SERPINC1: variants seen among roughly 807,000 people sequenced by gnomAD.
SERPINC1 encodes serpin family C member 1, also known as antithrombin-III.
In SERPINC1, 12 loss-of-function variants were observed where a neutral mutation model predicts 43.4. The ratio of observed to expected loss-of-function variants is 0.28; its 90% CI spans 0.18 to 0.45. The LOEUF (loss-of-function observed/expected upper bound fraction) is 0.45, where lower values mean the gene tolerates loss of function less well. Ranked by LOEUF, SERPINC1 falls within the 20% of genes least tolerant of loss-of-function variation. The probability of loss-of-function intolerance (pLI) is 1.00; values close to 1 mark genes in which losing one functional copy is unlikely to be tolerated. For synonymous variants in SERPINC1, 210 were observed against 218.9 expected (o/e 0.96, Z 0.36); for missense variants, 423 against 578.8 (o/e 0.73, Z 2.76).
intron 6 of SERPINC1, among the ~76,000 whole-genome samples, chr1:173,905,002 A>G (rs1487310955): frequency 6.6e-6 from 1 of 152,172 alleles, no homozygotes; most frequent in Non-Finnish European, 1.5e-5. Flanking sequence ...AACCATGGAA[A>G]AATCTTACAT....
intron 4 of SERPINC1, among the ~76,000 whole-genome samples, chr1:173,910,233 G>A (rs946075542): frequency 6.6e-6 from 1 of 152,134 alleles, no homozygotes; most frequent in African/African-American, 2.4e-5. Flanking sequence ...GAAGAAATGA[G>A]TGACAAAGCC....
intron 5 of SERPINC1, among the ~76,000 whole-genome samples, chr1:173,908,055 C>A (rs1190188502): frequency 6.6e-6 from 1 of 150,930 alleles, no homozygotes; most frequent in Non-Finnish European, 1.5e-5. Context: ...TTCAGCATGG[C>A]TCCTGATAAT....
chr1:173,907,218 T>C (rs1018731027), intron 6 of SERPINC1, among the ~76,000 whole-genome samples: 2 of 152,186 alleles, frequency 1.3e-5, no homozygotes, highest in Non-Finnish European at 2.9e-5. Flanking sequence ...TGGCTTCTTT[T>C]CCTATATCAC....
At chr1:173,907,168 G>T (rs995536923) in intron 6 of SERPINC1, among the ~76,000 whole-genome samples, 1 of 151,572 alleles carries the variant, frequency 6.6e-6, no homozygotes, top group African/African-American at 2.4e-5. Context: ...TACTCTTCTG[G>T]TTCTCCTCAT....
intron 2 of SERPINC1, among the ~76,000 whole-genome samples, chr1:173,912,467 A>G (rs1288513850): frequency 6.6e-6 from 1 of 152,182 alleles, no homozygotes; most frequent in Admixed American, 6.5e-5. Flanking sequence ...GGGATTAAAC[A>G]GGCTCAGAAT....
chr1:173,909,534 A>G lies in SERPINC1; in HGVS notation c.1153+18T>C. ...ACCTTGCGGGTGGAGAAGGGAGGAA[A>G]CTCCTTCCTAGACAAACCTGGGAGT... On this transcript the variant is annotated intron_variant, in intron 5 of 6. Coordinates refer to ENST00000367698, the MANE Select transcript of SERPINC1 (RefSeq NM_000488.4). The G allele has an allele frequency of 3.1e-6, 5 of 1,612,472 alleles. No homozygotes were observed. The highest frequency in any genetic ancestry group is 4.2e-6 in the Non-Finnish European group (5 of 1,179,792).
chr1:173,914,435 G>A, intron 2 of SERPINC1, 118 bp downstream of exon 2: 1 of 1,099,016 alleles, frequency 9.1e-7, no homozygotes, highest in Non-Finnish European at 1.4e-6. Flanking sequence ...GAATCGTAAT[G>A]CATAATGAGC....
chr1:173,914,813 T>C lies in SERPINC1; in HGVS notation c.148A>G (p.Asn50Asp), dbSNP rs1433461494. The change falls in exon 2 of 7, where the codon AAT becomes GAT. Residue 50 changes from asparagine to aspartate, a missense_variant. Physicochemically the swap from Asn to Asp is conservative, Grantham distance 23. Transcript: ENST00000367698. ...GGGGAGCGGTAAATGCACATGGGAT[T>C]CATGGGAATGTCCCGCGGCTTGGCT... is the stretch of plus-strand genomic sequence containing the variant. ...CTAKPRDIPM[N>D]PMCIYRSPEK... 6.2e-7 allele frequency: 1 copy of C among 1,614,182 alleles called. No homozygotes were observed. Among genetic ancestry groups the C allele is most frequent in the South Asian group, 1.1e-5 (1 of 91,084 alleles).
chr1:173,914,627 G>T lies in SERPINC1; in HGVS notation c.334C>A (p.Pro112Thr). The T allele has an allele frequency of 6.2e-7, 1 of 1,614,230 alleles. No homozygotes were observed. The part of the protein sequence containing the change: ...KNDNDNIFLS[P>T]LSISTAFAMT... ...GCAAAAGCCGTGGAGATACTCAGGG[G>T]TGACAGGAAAATGTTATCATTGTCA... Residue 112 changes from proline to threonine, a missense_variant, in exon 2 of 7, where the codon CCC (proline) becomes ACC (threonine). Physicochemically the swap from Pro to Thr is conservative, Grantham distance 38. Coordinates refer to ENST00000367698, the MANE Select transcript of SERPINC1 (RefSeq NM_000488.4).
intron 6 of SERPINC1, among the ~76,000 whole-genome samples, chr1:173,905,220 G>T (rs114896719): frequency 6.6e-6 from 1 of 152,156 alleles, no homozygotes; most frequent in East Asian, 1.9e-4. Flanking sequence ...TGTGAAAGAG[G>T]GTGTGAGCAG....
chr1:173,907,654 ACT>A (rs1657576747), intron 5 of SERPINC1, 140 bp from the exon 6 acceptor site: 1 of 750,260 alleles, frequency 1.3e-6, no homozygotes, highest in African/African-American at 1.7e-5. Context: ...ACCTAATCAT[ACT>A]CTCACAATGA....
At chr1:173,914,189 A>AT (rs1657890525) in intron 2 of SERPINC1, among the ~76,000 whole-genome samples, 1 of 152,192 alleles carries the variant, frequency 6.6e-6, no homozygotes. Context: ...GGCACTACAC[A>AT]TTGCCTGGCA....
At chr1:173,907,981 CAAAAATAATAAT>C (rs1224994872) in intron 5 of SERPINC1, among the ~76,000 whole-genome samples, 1 of 84,626 alleles carries the variant, frequency 1.2e-5, no homozygotes, top group East Asian at 4.2e-4. Flanking sequence ...AACTGCATCT[CAAAAATAATAAT>C]AATAATAATA....
chr1:173,916,266 C>G (rs1020160387), intron 1 of SERPINC1, among the ~76,000 whole-genome samples: 1 of 152,140 alleles, frequency 6.6e-6, no homozygotes, highest in Admixed American at 6.5e-5. Flanking sequence ...TGCGTGTACA[C>G]AAGGGGGTCT....
chr1:173,908,097 G>C (rs1236139824), intron 5 of SERPINC1, among the ~76,000 whole-genome samples: 1 of 151,754 alleles, frequency 6.6e-6, no homozygotes, highest in Non-Finnish European at 1.5e-5. Flanking sequence ...TTGTGGGAGA[G>C]AGAAACGGCA....
intron 4 of SERPINC1, among the ~76,000 whole-genome samples, chr1:173,910,204 T>C (rs111304220): frequency 6.6e-6 from 1 of 152,142 alleles, no homozygotes; most frequent in Non-Finnish European, 1.5e-5. Context: ...AGACCAAATG[T>C]AATGCTATTC....
intron 2 of SERPINC1, 50 bp downstream of exon 2, chr1:173,914,503 C>T: frequency 6.2e-7 from 1 of 1,611,960 alleles, no homozygotes; most frequent in South Asian, 1.1e-5. Flanking sequence ...CTATGGAAGC[C>T]CCAAAGGTGC....
chr1:173,910,423 AC>A (rs887817641), intron 4 of SERPINC1, among the ~76,000 whole-genome samples: 112 of 152,100 alleles, frequency 7.4e-4, no homozygotes, highest in Admixed American at 1.7e-3. Flanking sequence ...CTAAAAAAAA[AC>A]CAAAAAATTA....
intron 3 of SERPINC1, among the ~76,000 whole-genome samples, chr1:173,911,412 T>G (rs1426810240): frequency 6.6e-6 from 1 of 152,252 alleles, no homozygotes; most frequent in Non-Finnish European, 1.5e-5. Context: ...CATAGGCCCA[T>G]GTGCTTCATG....
Sources: gnomAD v4.1 joint callset for allele counts (sites outside exome capture counted in the v4.1 genomes callset) on GRCh38, gnomAD v4.1.1 for gene constraint, MANE v1.5 for transcripts, NCBI Gene and HGNC (gene_info 2026-07-23, HGNC 2026-07-21) for gene names.